The following KLHL26 variants were observed in gnomAD, a reference collection of about 807,000 sequenced individuals.
KLHL26 encodes the protein kelch like family member 26, also known as kelch-like protein 26.
KLHL26 carries 4 observed loss-of-function variants against 7.1 expected under a neutral mutation model. The observed-to-expected ratio is 0.56, with a 90% confidence interval of 0.28 to 1.28. The LOEUF is 1.28. Among genes scored for constraint, KLHL26 ranks in the 50% most tolerant of loss-of-function variants. The pLI, the probability that KLHL26 is intolerant of heterozygous loss-of-function variation, is 0.11. For missense variants in KLHL26, 896 were observed against 924.6 expected (o/e 0.97, Z 0.40); for synonymous variants, 465 against 414.1 (o/e 1.12, Z -1.49).
intron 1 of KLHL26, among the ~76,000 whole-genome samples, chr19:18,639,411 T>TG (rs1976674504): frequency 7.3e-6 from 1 of 137,144 alleles, no homozygotes; most frequent in African/African-American, 2.8e-5. Context: ...AAGTTTTTTT[T>TG]TTTTTTTTTT....
chr19:18,662,674 G>T (rs1432320469), intron 1 of KLHL26, among the ~76,000 whole-genome samples: 1 of 152,210 alleles, frequency 6.6e-6, no homozygotes. Flanking sequence ...CTGCCCTGGA[G>T]ATGTCCAGGC....
Position 18,669,455 on chromosome 19 carries a change from C to A in KLHL26, c.*210C>A, listed in dbSNP as rs957150350. 1 of 584,888 alleles carries A rather than the reference C, an allele frequency of 1.7e-6. No individual in the cohort carries two copies. Among genetic ancestry groups the A allele is most frequent in the Non-Finnish European group, 3.0e-6 (1 of 330,448 alleles). The allele number at this position is 584,888 out of a possible 1,614,324, so 36.2% of individuals were successfully genotyped here. A position where few individuals can be genotyped will look rare whatever the true frequency, so the allele number is the denominator to read the frequency against. ...TGCGAGTCCATCCGAGGGAGCCTGC[C>A]GGCAAAGCGTCTGACATGTGGTGGC... is the stretch of plus-strand genomic sequence containing the variant. On this transcript the variant is annotated 3_prime_UTR_variant, in exon 3 of 3. Coordinates refer to ENST00000300976, the MANE Select transcript of KLHL26 (RefSeq NM_018316.3).
chr19:18,664,777 G>T (rs2052430450), intron 2 of KLHL26, among the ~76,000 whole-genome samples: 1 of 151,944 alleles, frequency 6.6e-6, no homozygotes, highest in Non-Finnish European at 1.5e-5. Flanking sequence ...GTAGAGACGG[G>T]GTTTCACCAT....
chr19:18,669,464 G>A lies in KLHL26; in HGVS notation c.*219G>A, dbSNP rs993032431. ...ATCCGAGGGAGCCTGCCGGCAAAGC[G>A]TCTGACATGTGGTGGCAGCAAATTC... is the stretch of plus-strand genomic sequence containing the variant. On this transcript the variant is annotated 3_prime_UTR_variant, in exon 3 of 3. Transcript: ENST00000300976. 18 of 583,954 alleles carry A rather than the reference G, an allele frequency of 3.1e-5. No individual in the cohort carries two copies. Among genetic ancestry groups the A allele is most frequent in the East Asian group, 1.7e-4 (6 of 34,662 alleles). 36.2% of individuals were successfully genotyped at this position (583,954 alleles called of 1,614,324 possible).
rs1289176240 is a variant in KLHL26 at position 18,649,976 on chromosome 19, G to C, written c.83+12839G>C. 1.3e-5 allele frequency among the ~76,000 whole-genome samples: 2 copies of C among 152,220 alleles called. No homozygotes were observed. Among genetic ancestry groups the C allele is most frequent in the African/African-American group, 4.8e-5 (2 of 41,458 alleles). ...GTGCACACTGAAAATATTGTGATCT[G>C]GGAGGAAGTAACCAGCACCTTGGGG... On this transcript the variant is annotated intron_variant, in intron 1 of 2. Coordinates refer to ENST00000300976, the MANE Select transcript of KLHL26 (RefSeq NM_018316.3). This position sits in a 1 kb window ranked among gnomAD's most constrained non-coding sequence, Gnocchi z 4.0.
At position 18,656,438 on chromosome 19, in the gene KLHL26, T is replaced by C. The variant is rs1163490883; in HGVS notation, c.84-7823T>C. Among the ~76,000 whole-genome samples the C allele has an allele frequency of 6.9e-6, 1 of 144,542 alleles. No homozygotes were observed. The highest frequency in any genetic ancestry group is 2.0e-4 in the East Asian group (1 of 4,910). The allele number at this position is 144,542 out of a possible 152,430, so 94.8% of individuals were successfully genotyped here. A position where few individuals can be genotyped will look rare whatever the true frequency, so the allele number is the denominator to read the frequency against. On this transcript the variant is annotated intron_variant, in intron 1 of 2. Coordinates refer to ENST00000300976, the MANE Select transcript of KLHL26 (RefSeq NM_018316.3). This position sits in a 1 kb window ranked among gnomAD's most constrained non-coding sequence, Gnocchi z 4.4. ...GGCGTCCCTGGCCGTCACTTGGCTGTCTGGGGGTGCCAGCCCTGGGTACAG... is the reference window on the plus strand; with the variant it reads ...GGCGTCCCTGGCCGTCACTTGGCTGCCTGGGGGTGCCAGCCCTGGGTACAG...
intron 1 of KLHL26, among the ~76,000 whole-genome samples, chr19:18,654,214 C>T (rs2052301169): frequency 8.0e-6 from 1 of 125,480 alleles, no homozygotes; most frequent in African/African-American, 3.0e-5. Context: ...TGTCTGTCAC[C>T]CATCCATCTG....
rs1450849598 is a variant in KLHL26, at chr19:18,669,156, G to C, written c.1759G>C (p.Glu587Gln). Reference sequence around the variant, plus strand: ...ACAGGTGTACAACACGGACACCGACGAGTGGGAGCGGGACCTGCACTTCCC... The same window carrying C: ...ACAGGTGTACAACACGGACACCGACCAGTGGGAGCGGGACCTGCACTTCCC... ...IVQVYNTDTD[E>Q]WERDLHFPES... The change falls in exon 3 of 3, where the codon GAG (glutamate) becomes CAG (glutamine). Residue 587 changes from glutamate to glutamine, a missense_variant. Physicochemically the swap from Glu to Gln is conservative, Grantham distance 29. Transcript: ENST00000300976. 5.0e-6 allele frequency: 8 copies of C among 1,612,770 alleles called. No homozygotes were observed. In the East Asian group the frequency reaches 8.9e-5, roughly 18 times the overall value.
chr19:18,661,917 T>C (rs972145207), intron 1 of KLHL26, among the ~76,000 whole-genome samples: 5 of 152,078 alleles, frequency 3.3e-5, no homozygotes, highest in African/African-American at 9.7e-5. Context: ...TCTCACTCTG[T>C]CACCCAGGCT....
At chr19:18,639,382 C>T (rs927328734) in intron 1 of KLHL26, among the ~76,000 whole-genome samples, 4 of 139,574 alleles carry the variant, frequency 2.9e-5, no homozygotes, top group African/African-American at 1.1e-4. Flanking sequence ...AGCCAATTCA[C>T]TCATTTTAAT....
intron 1 of KLHL26, among the ~76,000 whole-genome samples, chr19:18,638,095 C>T (rs1360515878): frequency 1.3e-5 from 2 of 152,226 alleles, no homozygotes; most frequent in African/African-American, 4.8e-5. Flanking sequence ...GACCCTCCCA[C>T]CCCAGCTCCT....
At chr19:18,638,608 G>T (rs1326063302) in intron 1 of KLHL26, among the ~76,000 whole-genome samples, 1 of 152,224 alleles carries the variant, frequency 6.6e-6, no homozygotes, top group Non-Finnish European at 1.5e-5. Flanking sequence ...GTATCAGTTG[G>T]CAAGTAAGGG....
chr19:18,663,475 C>G (rs563578374), intron 1 of KLHL26, among the ~76,000 whole-genome samples: 1 of 152,316 alleles, frequency 6.6e-6, no homozygotes, highest in Admixed American at 6.5e-5. Context: ...CCTTCCGTCT[C>G]CTCCCGCTTT....
chr19:18,664,124 T>G, intron 1 of KLHL26, 137 bp from the exon 2 acceptor site: 4 of 515,014 alleles, frequency 7.8e-6, no homozygotes, highest in Non-Finnish European at 8.7e-6. Context: ...GATTTGCCTG[T>G]TCTGGGCATT....
intron 1 of KLHL26, 66 bp downstream of exon 1, chr19:18,637,203 TG>T: frequency 7.9e-7 from 1 of 1,260,726 alleles, no homozygotes; most frequent in Non-Finnish European, 1.0e-6. Context: ...TGGGCAGTCT[TG>T]GGCGTCCTGA....
At chr19:18,639,720 A>G (rs999944976) in intron 1 of KLHL26, among the ~76,000 whole-genome samples, 8 of 151,926 alleles carry the variant, frequency 5.3e-5, no homozygotes, top group Admixed American at 6.6e-5. Flanking sequence ...CAGGTCATTA[A>G]GTTTCAGTAC....
intron 1 of KLHL26, among the ~76,000 whole-genome samples, chr19:18,637,684 A>T (rs1976644022): frequency 1.4e-5 from 1 of 72,554 alleles, no homozygotes; most frequent in South Asian, 4.7e-4. Context: ...TGGGAGTCTG[A>T]GATGGGGAGG....
In KLHL26 at chr19:18,664,439, T is replaced by G. The variant is rs1343362651; in HGVS notation, c.262T>G (p.Phe88Val). ...CGTCCTGGCTGCCTGCAGCGACTAC[T>G]TCAGGTAAGTGCTGGCCCCAGGCAG... Reference protein sequence around the residue: ...KVVLAACSDYFRAMFTGGMRE... With the variant: ...KVVLAACSDYVRAMFTGGMRE... Residue 88 changes from phenylalanine (F) to valine (V), a missense_variant, in exon 2 of 3, where the codon TTC (phenylalanine) becomes GTC (valine). Physicochemically the swap from Phe to Val is conservative, Grantham distance 50. Coordinates refer to ENST00000300976, the MANE Select transcript of KLHL26 (RefSeq NM_018316.3). 11 of 1,576,462 alleles carry G rather than the reference T, an allele frequency of 7.0e-6. No homozygotes were observed. The highest frequency in any genetic ancestry group is 2.7e-5 in the African/African-American group (2 of 74,400).
At chr19:18,647,706 G>A (rs923175090) in intron 1 of KLHL26, among the ~76,000 whole-genome samples, 3 of 151,928 alleles carry the variant, frequency 2.0e-5, no homozygotes, top group Non-Finnish European at 4.4e-5. Context: ...GGAGGATGAG[G>A]GGGAAGGACA....
Sources: allele counts gnomAD v4.1 joint callset (sites outside exome capture counted in the v4.1 genomes callset), GRCh38; gene constraint gnomAD v4.1.1; non-coding constraint Gnocchi (gnomAD v3.1); transcripts MANE v1.5; gene names NCBI Gene and HGNC (gene_info 2026-07-23, HGNC 2026-07-21).